The following DOCK10 variants were observed in gnomAD, a reference collection of about 807,000 sequenced individuals.
DOCK10 encodes dedicator of cytokinesis protein 10.
In DOCK10, 145 loss-of-function variants were observed where a neutral mutation model predicts 280.1. The observed-to-expected ratio is 0.52, with a 90% CI of 0.45 to 0.59. DOCK10 has a LOEUF of 0.59. DOCK10 is among the 20% of genes least tolerant of loss of function. DOCK10 has a pLI of 0.00. For synonymous variants in DOCK10, 915 were observed against 942.2 expected, an observed-to-expected ratio of 0.97 and a Z score of 0.53; for missense variants, 2,368 against 2,651.7, an observed-to-expected ratio of 0.89 and a Z score of 2.35.
At chr2:224,948,806 A>C (rs1703570128) in intron 1 of DOCK10, among the ~76,000 whole-genome samples, 1 of 152,218 alleles carries the variant, frequency 6.6e-6, no homozygotes. Context: ...TTTCTGAATC[A>C]CAGTTTTAGA....
intron 14 of DOCK10, among the ~76,000 whole-genome samples, chr2:224,857,371 C>T (rs953586820): frequency 1.3e-5 from 2 of 152,104 alleles, no homozygotes; most frequent in African/African-American, 4.8e-5. Flanking sequence ...TTGGGTGGCA[C>T]TACTAGGATT....
At chr2:224,832,897 T>C (rs1261992952) in intron 26 of DOCK10, among the ~76,000 whole-genome samples, 1 of 152,158 alleles carries the variant, frequency 6.6e-6, no homozygotes, top group African/African-American at 2.4e-5. Flanking sequence ...ACTCCTCTAC[T>C]GCCCTCTCCA....
At chr2:224,799,421 T>G (rs1692818902) in intron 41 of DOCK10, among the ~76,000 whole-genome samples, 1 of 152,246 alleles carries the variant, frequency 6.6e-6, no homozygotes, top group Admixed American at 6.5e-5. Context: ...TGATGTATAC[T>G]TGAGTTGTTT....
Position 224,770,142 on chromosome 2 carries a change from C to A in DOCK10, c.6444+69G>T. The stretch of plus-strand genomic sequence containing the variant: ...AGCAAGAAAAGGGCCTCTTTCCTGT[C>A]CTTCTGGCATTGGGAGCGAAAGGGA... On this transcript the variant is annotated intron_variant, in intron 55 of 55. Transcript: ENST00000258390. This position sits in a 1 kb window ranked among gnomAD's most constrained non-coding sequence, Gnocchi z 4.5. 7.0e-7 allele frequency: 1 copy of A among 1,419,630 alleles called. No homozygotes were observed. Among genetic ancestry groups the A allele is most frequent in the South Asian group, 1.7e-5 (1 of 60,548 alleles). The allele number at this position is 1,419,630 out of a possible 1,614,324, so 87.9% of individuals were successfully genotyped here. A position where few individuals can be genotyped will look rare whatever the true frequency, so the allele number is the denominator to read the frequency against.
intron 8 of DOCK10, 79 bp downstream of exon 8, chr2:224,875,959 C>T: frequency 7.0e-7 from 1 of 1,429,568 alleles, no homozygotes; most frequent in East Asian, 2.3e-5. Flanking sequence ...ACAGCAACTA[C>T]AATGCCTAGC....
At chr2:224,978,774 G>A (rs1362829124) in intron 1 of DOCK10, among the ~76,000 whole-genome samples, 1 of 152,132 alleles carries the variant, frequency 6.6e-6, no homozygotes, top group Non-Finnish European at 1.5e-5. Flanking sequence ...AGACATATAT[G>A]CAACTTCCTA....
At chr2:224,926,659 A>G (rs1702060945) in intron 2 of DOCK10, among the ~76,000 whole-genome samples, 1 of 152,224 alleles carries the variant, frequency 6.6e-6, no homozygotes, top group Non-Finnish European at 1.5e-5. Flanking sequence ...TTTTAAGGTG[A>G]TATGTTGAGT....
chr2:224,934,793 A>C (rs1157341543), intron 1 of DOCK10, among the ~76,000 whole-genome samples: 1 of 152,214 alleles, frequency 6.6e-6, no homozygotes, highest in African/African-American at 2.4e-5. Flanking sequence ...CAACGGGGAT[A>C]AGGTATGTGC....
intron 1 of DOCK10, among the ~76,000 whole-genome samples, chr2:224,932,660 A>G (rs1208659197): frequency 6.6e-6 from 1 of 152,142 alleles, no homozygotes; most frequent in Non-Finnish European, 1.5e-5. Context: ...AGTGAAAAAA[A>G]TTATTATTTT....
intron 1 of DOCK10, among the ~76,000 whole-genome samples, chr2:224,990,263 C>G (rs1175846357): frequency 6.6e-6 from 1 of 152,172 alleles, no homozygotes; most frequent in Non-Finnish European, 1.5e-5. Context: ...TTTGATTGAA[C>G]TCTTCTCAGC....
chr2:224,950,783 A>G (rs568792964), intron 1 of DOCK10, among the ~76,000 whole-genome samples: 1 of 152,372 alleles, frequency 6.6e-6, no homozygotes, highest in South Asian at 2.1e-4. Context: ...ACTAAATTTA[A>G]AAGTCTAAAA....
intron 1 of DOCK10, among the ~76,000 whole-genome samples, chr2:224,950,725 T>C (rs1485062337): frequency 1.3e-5 from 2 of 152,170 alleles, no homozygotes; most frequent in Non-Finnish European, 2.9e-5. Flanking sequence ...GCCTAGAACT[T>C]AAGAAAAAGT....
chr2:225,033,317 G>T (rs1275277008), intron 1 of DOCK10, among the ~76,000 whole-genome samples: 1 of 151,926 alleles, frequency 6.6e-6, no homozygotes, highest in South Asian at 2.1e-4. Context: ...CGAGCAGCTG[G>T]GACTACAGGT....
At chr2:225,003,427 T>C (rs1274262800) in intron 1 of DOCK10, among the ~76,000 whole-genome samples, 1 of 152,208 alleles carries the variant, frequency 6.6e-6, no homozygotes. Context: ...TGGGACCTTT[T>C]ATGATTCCAC....
intron 4 of DOCK10, among the ~76,000 whole-genome samples, chr2:224,892,742 T>C (rs1007850116): frequency 6.6e-6 from 1 of 152,224 alleles, no homozygotes; most frequent in Non-Finnish European, 1.5e-5. Context: ...TCCAATGCCC[T>C]TGGGCAGGGA....
intron 1 of DOCK10, among the ~76,000 whole-genome samples, chr2:225,014,411 A>C (rs1169824279): frequency 6.6e-6 from 1 of 152,076 alleles, no homozygotes; most frequent in Admixed American, 6.6e-5. Flanking sequence ...ATTTAAAATA[A>C]AAGGTGCTAT....
At chr2:224,950,858 T>C (rs942358185) in intron 1 of DOCK10, among the ~76,000 whole-genome samples, 26 of 152,130 alleles carry the variant, frequency 1.7e-4, no homozygotes, top group South Asian at 2.1e-4. Flanking sequence ...TTCCTTTACA[T>C]ATGGTAGATG....
intron 11 of DOCK10, 32 bp downstream of exon 11, chr2:224,873,964 A>T: frequency 6.3e-7 from 1 of 1,579,654 alleles, no homozygotes; most frequent in East Asian, 2.2e-5. Flanking sequence ...TGTTGGCTTA[A>T]TGGTATAGGA....
intron 51 of DOCK10, 86 bp downstream of exon 51, chr2:224,778,052 A>T: frequency 7.4e-7 from 1 of 1,357,692 alleles, no homozygotes; most frequent in Non-Finnish European, 1.0e-6. Context: ...TTGCATCGTC[A>T]GGCAGAAAAT....
Sources: gnomAD v4.1 joint callset for allele counts (sites outside exome capture counted in the v4.1 genomes callset) on GRCh38, gnomAD v4.1.1 for gene constraint, Gnocchi (gnomAD v3.1) non-coding constraint, MANE v1.5 for transcripts, NCBI Gene and HGNC (gene_info 2026-07-23, HGNC 2026-07-21) for gene names.